The following ARHGAP44 variants were observed in gnomAD, a reference collection of about 807,000 sequenced individuals.
The protein encoded by ARHGAP44 is Rho GTPase activating protein 44.
Under a neutral mutation model 106.8 loss-of-function variants are expected in ARHGAP44, and 43 were observed. The ratio of observed to expected loss-of-function variants is 0.40; its 90% CI spans 0.32 to 0.52. The LOEUF (loss-of-function observed/expected upper bound fraction) is 0.52. Among genes scored for constraint, ARHGAP44 ranks in the 20% least tolerant of loss-of-function variants. The probability of loss-of-function intolerance (pLI) is 0.48; values close to 1 mark genes in which losing one functional copy is unlikely to be tolerated. For missense variants in ARHGAP44, 866 were observed against 1,050.5 expected, an observed-to-expected ratio of 0.82 and a Z score of 2.43; for synonymous variants, 439 against 410.3, an observed-to-expected ratio of 1.07 and a Z score of -0.85.
intron 6 of ARHGAP44, 76 bp from the exon 7 acceptor site, chr17:12,928,853 A>G: frequency 4.7e-6 from 6 of 1,284,452 alleles, no homozygotes; most frequent in Non-Finnish European, 6.6e-6. Context: ...TTGTAACCAG[A>G]TGTTTTCTCA....
intron 1 of ARHGAP44, among the ~76,000 whole-genome samples, chr17:12,887,743 A>G (rs1451616538): frequency 1.3e-5 from 2 of 152,190 alleles, no homozygotes; most frequent in African/African-American, 4.8e-5. Flanking sequence ...AGAATTATCT[A>G]ATGAAATCTT....
intron 1 of ARHGAP44, among the ~76,000 whole-genome samples, chr17:12,833,362 G>A (rs972467493): frequency 9.9e-5 from 15 of 152,064 alleles, no homozygotes; most frequent in African/African-American, 3.4e-4. Flanking sequence ...TTTATGGTTG[G>A]GAAGCTGATA....
Position 12,887,868 on chromosome 17 carries a change from T to G in ARHGAP44, c.54-7072T>G, listed in dbSNP as rs72813181. Among the ~76,000 whole-genome samples the G allele has an allele frequency of 6.4e-3, 921 of 144,164 alleles. 9 individuals are homozygous for G. Among genetic ancestry groups the G allele is most frequent in the Admixed American group, 0.013 (190 of 14,736 alleles). 94.6% of individuals were successfully genotyped at this position (144,164 alleles called of 152,430 possible). A position where few individuals can be genotyped will look rare whatever the true frequency, so the allele number is the denominator to read the frequency against. ...TTATGTGTATTGCAATCATTTTTGT[T>G]TTTTTTTTTTTTAGGAATTTGTCCA... is the stretch of plus-strand genomic sequence containing the variant. On this transcript the variant is annotated intron_variant, in intron 1 of 20. Coordinates refer to ENST00000379672, the MANE Select transcript of ARHGAP44 (RefSeq NM_014859.6).
intron 18 of ARHGAP44, among the ~76,000 whole-genome samples, chr17:12,976,896 G>A (rs1302935266): frequency 1.3e-5 from 2 of 152,168 alleles, no homozygotes; most frequent in Non-Finnish European, 2.9e-5. Context: ...ACCCACAGGC[G>A]GGAGATGGGC....
intron 3 of ARHGAP44, among the ~76,000 whole-genome samples, chr17:12,898,506 A>T (rs1344551540): frequency 2.6e-5 from 4 of 152,184 alleles, no homozygotes; most frequent in African/African-American, 9.7e-5. Context: ...AAGGCACTTA[A>T]TTGCCTCACT....
chr17:12,940,102 T>A (rs761699640), intron 7 of ARHGAP44, among the ~76,000 whole-genome samples: 42 of 152,236 alleles, frequency 2.8e-4, no homozygotes, highest in Non-Finnish European at 8.8e-5. Flanking sequence ...TATAGTTACC[T>A]GCTTTCATTA....
chr17:12,824,659 C>T (rs143104328), intron 1 of ARHGAP44, among the ~76,000 whole-genome samples: 1 of 152,214 alleles, frequency 6.6e-6, no homozygotes, highest in African/African-American at 2.4e-5. Context: ...ATGCCATCCC[C>T]AGGATAATAA....
intron 16 of ARHGAP44, among the ~76,000 whole-genome samples, chr17:12,960,195 T>G (rs1208667852): frequency 6.6e-6 from 1 of 151,896 alleles, no homozygotes; most frequent in Non-Finnish European, 1.5e-5. Flanking sequence ...CTCCACTTAG[T>G]GGAGAAAGAA....
chr17:12,807,768 C>T (rs562363992), intron 1 of ARHGAP44, among the ~76,000 whole-genome samples: 8 of 152,172 alleles, frequency 5.3e-5, no homozygotes, highest in Non-Finnish European at 1.0e-4. Flanking sequence ...ATCTCATGTC[C>T]TCACATTTCA....
At chr17:12,913,753 A>ACGCCTGTAATCCTAACACTGT (rs1343985453) in intron 4 of ARHGAP44, among the ~76,000 whole-genome samples, 1 of 113,888 alleles carries the variant, frequency 8.8e-6, no homozygotes, top group Non-Finnish European at 2.1e-5. Flanking sequence ...GGATTACCTG[A>ACGCCTGTAATCCTAACACTGT]GGTCCAGAGT....
intron 1 of ARHGAP44, among the ~76,000 whole-genome samples, chr17:12,855,521 A>G (rs1415628562): frequency 8.6e-5 from 7 of 81,528 alleles, no homozygotes; most frequent in African/African-American, 2.7e-4. Flanking sequence ...TTTTTTCAGC[A>G]TTTTATTTTT....
chr17:12,823,638 G>A (rs2034837678), intron 1 of ARHGAP44, among the ~76,000 whole-genome samples: 1 of 151,826 alleles, frequency 6.6e-6, no homozygotes, highest in African/African-American at 2.4e-5. Flanking sequence ...CTTCTCTCTC[G>A]TATATTCAAC....
intron 6 of ARHGAP44, among the ~76,000 whole-genome samples, chr17:12,921,038 C>A (rs1441464756): frequency 2.0e-5 from 3 of 151,900 alleles, no homozygotes; most frequent in Admixed American, 1.3e-4. Context: ...TTTTCGTAGA[C>A]CAACTTTATT....
At chr17:12,856,787 A>G (rs1026971184) in intron 1 of ARHGAP44, among the ~76,000 whole-genome samples, 2 of 152,156 alleles carry the variant, frequency 1.3e-5, no homozygotes, top group Non-Finnish European at 2.9e-5. Flanking sequence ...TGAAAGTTAA[A>G]TGAATGTCGA....
intron 3 of ARHGAP44, among the ~76,000 whole-genome samples, chr17:12,903,867 G>A (rs570169515): frequency 1.3e-5 from 2 of 152,298 alleles, no homozygotes; most frequent in South Asian, 2.1e-4. Flanking sequence ...AGAGCAAACA[G>A]TATCTTAGTT....
chr17:12,808,336 G>A (rs1049932612), intron 1 of ARHGAP44, among the ~76,000 whole-genome samples: 1 of 152,232 alleles, frequency 6.6e-6, no homozygotes, highest in Non-Finnish European at 1.5e-5. Context: ...TGTGGGGCTC[G>A]AACCCCACAT....
In ARHGAP44 at chr17:12,958,761, G is replaced by C; in HGVS notation, c.1387G>C (p.Val463Leu). 1 of 1,613,862 alleles carries C rather than the reference G, an allele frequency of 6.2e-7. No individual in the cohort carries two copies. Among genetic ancestry groups the C allele is most frequent in the Non-Finnish European group, 8.5e-7 (1 of 1,179,864 alleles). The stretch of plus-strand genomic sequence containing the variant: ...TGGCAATTATGGGAGTCCAGTACAC[G>C]TGAACCATAATGCCAACTACAGCTC... Reference protein sequence around the residue: ...ITGNYGSPVHVNHNANYSSMP... With the variant: ...ITGNYGSPVHLNHNANYSSMP... Residue 463 changes from valine (V) to leucine (L), a missense_variant, in exon 16 of 21, where the codon GTG becomes CTG. Val to Leu is a conservative substitution (Grantham distance 32, BLOSUM62 1). Around this residue, in one of 2 missense-constraint regions of ARHGAP44, gnomAD observed 448 missense variants for 646.9 expected, o/e 0.69. Coordinates refer to ENST00000379672, the MANE Select transcript of ARHGAP44 (RefSeq NM_014859.6). This position sits in a 1 kb window ranked among gnomAD's most constrained non-coding sequence, Gnocchi z 4.1.
At chr17:12,957,861 T>C (rs2039167734) in intron 15 of ARHGAP44, among the ~76,000 whole-genome samples, 1 of 152,250 alleles carries the variant, frequency 6.6e-6, no homozygotes, top group Non-Finnish European at 1.5e-5. Flanking sequence ...GATAGGTTAG[T>C]AATTCTATGC....
chr17:12,984,966 G>A, intron 20 of ARHGAP44, 58 bp downstream of exon 20: 1 of 1,538,166 alleles, frequency 6.5e-7, no homozygotes, highest in Non-Finnish European at 8.7e-7. Flanking sequence ...AATGTGCCTA[G>A]GGGAGGGATT....
Sources: allele counts gnomAD v4.1 joint callset (sites outside exome capture counted in the v4.1 genomes callset), GRCh38; gene constraint gnomAD v4.1.1; regional missense constraint gnomAD v4.1.1; non-coding constraint Gnocchi (gnomAD v3.1); transcripts MANE v1.5; gene names NCBI Gene and HGNC (gene_info 2026-07-23, HGNC 2026-07-21).